USP33: variants seen among roughly 807,000 people sequenced by gnomAD.
The protein encoded by USP33 is ubiquitin carboxyl-terminal hydrolase 33.
In USP33, 46 loss-of-function variants were observed where a neutral mutation model predicts 124.2. That is an observed-to-expected ratio of 0.37 (90% CI 0.29 to 0.47). USP33 has a LOEUF of 0.47. Ranked by LOEUF, USP33 falls within the 20% of genes least tolerant of loss-of-function variation. The probability of loss-of-function intolerance (pLI) is 0.99; values close to 1 mark genes in which losing one functional copy is unlikely to be tolerated. For missense variants in USP33, 851 were observed against 1,070.6 expected (o/e 0.79, Z 2.86); for synonymous variants, 350 against 352.3 (o/e 0.99, Z 0.07).
chr1:77,696,261 A>C lies in USP33; in HGVS notation c.*1056T>G, dbSNP rs891791864. The C allele has an allele frequency of 2.0e-4, 30 of 152,654 alleles. No homozygotes were observed. Among genetic ancestry groups the C allele is most frequent in the African/African-American group, 6.3e-4 (26 of 41,470 alleles). 9.5% of individuals were successfully genotyped at this position (152,654 alleles called of 1,614,324 possible). A position where few individuals can be genotyped will look rare whatever the true frequency, so the allele number is the denominator to read the frequency against. On this transcript the variant is annotated 3_prime_UTR_variant, in exon 24 of 24. Transcript: ENST00000370794. ...CAGCTTTATCAACAATCGTAGTGACACATTCCACACTTCATGCTCTCAAAA... is the reference window on the plus strand; with the variant it reads ...CAGCTTTATCAACAATCGTAGTGACCCATTCCACACTTCATGCTCTCAAAA...
chr1:77,697,984 G>C (rs1673584887), intron 22 of USP33, 53 bp from the exon 23 acceptor site: 6 of 1,500,548 alleles, frequency 4.0e-6, no homozygotes, highest in Non-Finnish European at 4.6e-6. Context: ...ACAAAAAATT[G>C]CATAATTTTG....
rs192513727 is a variant in USP33 at position 77,736,111 on chromosome 1, G to A, written c.399C>T (p.Ala133=). ...CTTCTATATCCAGATCATCAAATACGGCAACCAGAGGAGTTTTTAATGTTG... is the reference window on the plus strand; with the variant it reads ...CTTCTATATCCAGATCATCAAATACAGCAACCAGAGGAGTTTTTAATGTTG... The part of the protein sequence containing the change: ...SNTTLKTPLV[A]VFDDLDIEAD... The change falls in exon 6 of 24, where the codon GCC becomes GCT. Residue 133 remains alanine, a synonymous_variant. Transcript: ENST00000370794. 3.0e-5 allele frequency: 48 copies of A among 1,612,950 alleles called. No individual in the cohort carries two copies. The Admixed American group carries it at 3.8e-4, about 13-fold the overall frequency.
At chr1:77,702,343 A>G (rs1674137018) in intron 21 of USP33, among the ~76,000 whole-genome samples, 1 of 152,074 alleles carries the variant, frequency 6.6e-6, no homozygotes, top group African/African-American at 2.4e-5. Flanking sequence ...AACAATAAAT[A>G]CGCCACATAT....
rs17100965 is a variant in USP33 at position 77,741,048 on chromosome 1, A to G, written c.136-109T>C. The G allele has an allele frequency of 3.8e-3, 2,877 of 754,840 alleles. 31 individuals carry two copies. The highest frequency in any genetic ancestry group is 0.036 in the African/African-American group (2,000 of 55,884). 46.8% of individuals were successfully genotyped at this position (754,840 alleles called of 1,614,324 possible). A position where few individuals can be genotyped will look rare whatever the true frequency, so the allele number is the denominator to read the frequency against. Reference sequence around the variant, plus strand: ...ATTAAGTTTGGATTACCTGTTTTACATTCAATGAGTAAATGACTTTCCAGT... The same window carrying G: ...ATTAAGTTTGGATTACCTGTTTTACGTTCAATGAGTAAATGACTTTCCAGT... On this transcript the variant is annotated intron_variant, in intron 3 of 23. Transcript: ENST00000370794.
At chr1:77,723,281 A>G (rs1372743371) in intron 12 of USP33, 50 bp downstream of exon 12, 1 of 1,343,408 alleles carries the variant, frequency 7.4e-7, no homozygotes, top group Admixed American at 1.9e-5. Flanking sequence ...CACATTTTTA[A>G]AAATCATTTG....
At chr1:77,757,431 T>C (rs1394873947) in intron 1 of USP33, among the ~76,000 whole-genome samples, 1 of 152,260 alleles carries the variant, frequency 6.6e-6, no homozygotes, top group African/African-American at 2.4e-5. Context: ...GTATACAATA[T>C]AGCACATAAT....
intron 6 of USP33, among the ~76,000 whole-genome samples, chr1:77,735,759 C>T (rs1678368464): frequency 6.6e-6 from 1 of 152,164 alleles, no homozygotes; most frequent in East Asian, 1.9e-4. Context: ...ACCTCCCCAT[C>T]ACTGACAATA....
chr1:77,745,615 G>C (rs557485073), intron 1 of USP33: 9 of 152,142 alleles, frequency 5.9e-5, no homozygotes, highest in Admixed American at 5.2e-4. Flanking sequence ...AAACAAAATT[G>C]ACCACATAGT....
intron 6 of USP33, among the ~76,000 whole-genome samples, chr1:77,735,203 T>C (rs913557937): frequency 6.6e-6 from 1 of 152,194 alleles, no homozygotes; most frequent in African/African-American, 2.4e-5. Context: ...AATGGCAATT[T>C]CATATGGTTC....
At chr1:77,720,202 T>C in intron 15 of USP33, 1 of 425,250 alleles carries the variant, frequency 2.4e-6, no homozygotes, top group Non-Finnish European at 3.1e-6. Flanking sequence ...AAACCTTTAT[T>C]CTTACATGTG....
chr1:77,736,603 T>C (rs1570823130), intron 5 of USP33, among the ~76,000 whole-genome samples: 1 of 152,212 alleles, frequency 6.6e-6, no homozygotes, highest in South Asian at 2.1e-4. Context: ...TATTACTGTA[T>C]TTACTTTGCA....
Position 77,728,389 on chromosome 1 carries a change from T to C in USP33, c.1041A>G (p.Glu347=). Reference sequence around the variant, plus strand: ...AGTCTCTATCTTTATCAAATTCGCCTTCAGAATTTACTTTATTAATCTTAT... The same window carrying C: ...AGTCTCTATCTTTATCAAATTCGCCCTCAGAATTTACTTTATTAATCTTAT... ...MCNKINKVNS[E]GEFDKDRDSI... Residue 347 remains glutamate (E), a synonymous_variant, in exon 10 of 24, where the codon GAA becomes GAG. Transcript: ENST00000370794. The C allele has an allele frequency of 1.2e-6, 2 of 1,613,994 alleles. No homozygotes were observed. Among genetic ancestry groups the C allele is most frequent in the Non-Finnish European group, 8.5e-7 (1 of 1,179,982 alleles).
chr1:77,738,030 T>C (rs571812726), intron 5 of USP33, among the ~76,000 whole-genome samples: 1 of 152,350 alleles, frequency 6.6e-6, no homozygotes, highest in East Asian at 1.9e-4. Flanking sequence ...AGACTAAACA[T>C]GTTTGTGAAT....
intron 1 of USP33, among the ~76,000 whole-genome samples, chr1:77,744,432 T>G (rs79631755): frequency 0.019 from 2,859 of 152,236 alleles, 76 homozygotes; most frequent in East Asian, 0.11. Context: ...TCAAATTTGA[T>G]GAAAACTAGA....
At chr1:77,742,861 T>C (rs548036519) in intron 1 of USP33, among the ~76,000 whole-genome samples, 4 of 152,148 alleles carry the variant, frequency 2.6e-5, no homozygotes, top group African/African-American at 9.7e-5. Context: ...TTTATAACTA[T>C]ATAGAACCCC....
chr1:77,712,166 C>T (rs1675337059), intron 20 of USP33, among the ~76,000 whole-genome samples: 1 of 152,170 alleles, frequency 6.6e-6, no homozygotes, highest in Non-Finnish European at 1.5e-5. Context: ...TTACACATCA[C>T]AGTCATAGTC....
chr1:77,701,647 C>CA (rs1270252430), intron 21 of USP33, 176 bp from the exon 22 acceptor site: 85 of 487,282 alleles, frequency 1.7e-4, no homozygotes, highest in South Asian at 3.0e-4. Flanking sequence ...AACATCTCTA[C>CA]AAAAAAAACA....
chr1:77,722,119 T>C lies in USP33; in HGVS notation c.1467A>G (p.Ser489=), dbSNP rs756580156. 3 of 1,614,010 alleles carry C rather than the reference T, an allele frequency of 1.9e-6. No individual in the cohort carries two copies. Among genetic ancestry groups the C allele is most frequent in the Non-Finnish European group, 2.5e-6 (3 of 1,179,988 alleles). ...TGACTATAGAAGTTGGATGACTTGATGAATGCAGCTTAGCAAGGTCTTCCT... is the reference window on the plus strand; with the variant it reads ...TGACTATAGAAGTTGGATGACTTGACGAATGCAGCTTAGCAAGGTCTTCCT... The part of the protein sequence containing the change: ...PGKEDLAKLH[S]SSHPTSIVKA... The change falls in exon 13 of 24, where the codon TCA becomes TCG. Residue 489 remains serine, a synonymous_variant. Transcript: ENST00000370794.
intron 19 of USP33, among the ~76,000 whole-genome samples, chr1:77,714,395 T>C (rs866226264): frequency 6.6e-6 from 1 of 152,186 alleles, no homozygotes; most frequent in Non-Finnish European, 1.5e-5. Flanking sequence ...TTAGAAAGCA[T>C]GTACTCAGTA....
Sources: allele counts gnomAD v4.1 joint callset (sites outside exome capture counted in the v4.1 genomes callset), GRCh38; gene constraint gnomAD v4.1.1; transcripts MANE v1.5; gene names NCBI Gene and HGNC (gene_info 2026-07-23, HGNC 2026-07-21).